Variants in NPC1 observed in about 807,000 individuals in gnomAD.
NPC1 encodes the protein NPC intracellular cholesterol transporter 1.
NPC1 carries 85 observed loss-of-function variants against 140.4 expected under a neutral mutation model. The ratio of observed to expected loss-of-function variants is 0.61; its 90% CI spans 0.51 to 0.72. The LOEUF is 0.72. NPC1 is among the 30% of genes least tolerant of loss of function. NPC1 has a pLI of 0.00. For synonymous variants in NPC1, 656 were observed against 624.8 expected, an observed-to-expected ratio of 1.05 and a Z score of -0.74; for missense variants, 1,504 against 1,623.8, an observed-to-expected ratio of 0.93 and a Z score of 1.27.
chr18:23,520,779 C>T (rs1272882148), downstream of NPC1, among the ~76,000 whole-genome samples: 3 of 151,858 alleles, frequency 2.0e-5, no homozygotes, highest in African/African-American at 7.3e-5. Context: ...ACCAAGTATT[C>T]AATCGCTTAA....
chr18:23,562,481 C>A (rs2059057806), intron 4 of NPC1, among the ~76,000 whole-genome samples: 1 of 151,998 alleles, frequency 6.6e-6, no homozygotes. Flanking sequence ...TTCCCAGGAT[C>A]TTCTTTCCCT....
intron 1 of NPC1, among the ~76,000 whole-genome samples, chr18:23,579,799 G>A (rs1446038844): frequency 6.6e-6 from 1 of 151,988 alleles, no homozygotes; most frequent in Non-Finnish European, 1.5e-5. Flanking sequence ...ACAGGAGAAT[G>A]GCGTGAACCC....
chr18:23,515,361 CGTGGCAA>C (rs1439038847), intron 3 of NPC1, among the ~76,000 whole-genome samples: 1 of 152,078 alleles, frequency 6.6e-6, no homozygotes, highest in Non-Finnish European at 1.5e-5. Flanking sequence ...GCCTCTCAGT[CGTGGCAA>C]AGAGTAAATG....
At position 23,538,522 on chromosome 18, in the gene NPC1, G is replaced by T. The variant is rs1195640488; in HGVS notation, c.3041+20C>A. On this transcript the variant is annotated intron_variant, in intron 20 of 24. Coordinates refer to ENST00000269228, the MANE Select transcript of NPC1 (RefSeq NM_000271.5). ...TTAAAGTTGCAGTGGATGCTTATCT[G>T]CAATGGCAGCAGCACTTACCCTTTG... 2 of 1,614,020 alleles carry T rather than the reference G, an allele frequency of 1.2e-6. No individual in the cohort carries two copies. The highest frequency in any genetic ancestry group is 2.2e-5 in the South Asian group (2 of 91,082).
At chr18:23,520,442 T>C, downstream of NPC1, 1 of 769,628 alleles carries the variant, frequency 1.3e-6, no homozygotes, top group Non-Finnish European at 2.1e-6. Context: ...CTGTCTGATT[T>C]TGCCAGGGGC....
intron 3 of NPC1, among the ~76,000 whole-genome samples, chr18:23,569,350 G>T (rs1316878431): frequency 2.0e-5 from 3 of 152,128 alleles, no homozygotes; most frequent in African/African-American, 4.8e-5. Context: ...TTGAGAAAGG[G>T]TCTCACTTTG....
At chr18:23,566,437 C>T (rs1443996908) in intron 4 of NPC1, among the ~76,000 whole-genome samples, 2 of 152,078 alleles carry the variant, frequency 1.3e-5, no homozygotes, top group African/African-American at 4.8e-5. Context: ...AATTTAAAAA[C>T]TAAATAAAAA....
chr18:23,555,043 T>A, intron 8 of NPC1, 59 bp from the exon 9 acceptor site: 1 of 1,109,966 alleles, frequency 9.0e-7, no homozygotes, highest in Non-Finnish European at 1.4e-6. Flanking sequence ...CTCTCAGATC[T>A]TGATTAATCA....
In NPC1 at chr18:23,543,340, A is replaced by G. The variant is rs879051822; in HGVS notation, c.2245+115T>C. 6.1e-5 allele frequency: 42 copies of G among 686,030 alleles called. No individual in the cohort carries two copies. In the Admixed American group the frequency reaches 7.9e-4, roughly 13 times the overall value. The allele number at this position is 686,030 out of a possible 1,614,324, so 42.5% of individuals were successfully genotyped here. ...TGAGACTCCGTCTCAGAGAAAAAAA[A>G]AAAAAAGAAAAAAAAAAAAAGGAAG... On this transcript the variant is annotated intron_variant, in intron 14 of 24. Transcript: ENST00000269228.
At chr18:23,558,769 C>T (rs1215348457) in intron 6 of NPC1, among the ~76,000 whole-genome samples, 5 of 151,850 alleles carry the variant, frequency 3.3e-5, no homozygotes, top group Admixed American at 1.3e-4. Context: ...ATGTGCACAA[C>T]GTGCAGGTTT....
intron 3 of NPC1, among the ~76,000 whole-genome samples, chr18:23,511,130 G>A (rs1209405692): frequency 2.0e-5 from 3 of 152,212 alleles, no homozygotes; most frequent in African/African-American, 7.2e-5. Flanking sequence ...TATATACCAT[G>A]GAATACTATG....
At chr18:23,516,440 G>A (rs575941945) in intron 3 of NPC1, 32 of 1,609,270 alleles carry the variant, frequency 2.0e-5, no homozygotes, top group African/African-American at 1.6e-4. Context: ...CCGTGTCAGA[G>A]AGAATTCCAT....
At chr18:23,540,091 G>A in intron 17 of NPC1, 90 bp from the exon 18 acceptor site, 2 of 1,148,092 alleles carry the variant, frequency 1.7e-6, no homozygotes, top group Non-Finnish European at 2.6e-6. Context: ...GAGGGTGCCA[G>A]GAGGTTCCTG....
At chr18:23,538,340 G>A (rs143104195) in intron 20 of NPC1, among the ~76,000 whole-genome samples, 16 of 152,316 alleles carry the variant, frequency 1.1e-4, no homozygotes, top group South Asian at 6.2e-4. Flanking sequence ...GAATGCCCAC[G>A]CTAAGACAGA....
At chr18:23,576,398 G>T in intron 1 of NPC1, 1 of 840,722 alleles carries the variant, frequency 1.2e-6, no homozygotes, top group Non-Finnish European at 1.4e-6. Flanking sequence ...CTCCAGCCTG[G>T]ACAACAAAGT....
downstream of NPC1, chr18:23,530,219 T>C (rs757758621): frequency 1.9e-6 from 3 of 1,614,222 alleles, no homozygotes; most frequent in Admixed American, 5.0e-5. Flanking sequence ...GGTCTAAAAA[T>C]GTCTTTCAGG....
At chr18:23,529,484 G>A (rs937881447), downstream of NPC1, 15 of 1,238,796 alleles carry the variant, frequency 1.2e-5, no homozygotes, top group East Asian at 2.4e-5. Context: ...AATTGTTGAC[G>A]GGTGGTTCTG....
In NPC1 at chr18:23,534,520, T is replaced by G; in HGVS notation, c.3517A>C (p.Arg1173=). ...CCTTTCATGCTCACCGTGAACGCTCTGGTTATGTGGCTGCAGAACTCCACG... is the reference window on the plus strand; with the variant it reads ...CCTTTCATGCTCACCGTGAACGCTCGGGTTATGTGGCTGCAGAACTCCACG... ...ISVEFCSHIT[R]AFTVSMKGSR... The change falls in exon 23 of 25, where the codon AGA becomes CGA. Residue 1173 remains arginine, a synonymous_variant. Transcript: ENST00000269228. 6.2e-7 allele frequency: 1 copy of G among 1,614,144 alleles called. No homozygotes were observed. Among genetic ancestry groups the G allele is most frequent in the Non-Finnish European group, 8.5e-7 (1 of 1,180,012 alleles).
At chr18:23,534,412 A>T in intron 23 of NPC1, 34 bp downstream of exon 23, 2 of 1,395,966 alleles carry the variant, frequency 1.4e-6, no homozygotes, top group Non-Finnish European at 2.0e-6. Flanking sequence ...TTGTGGTGCG[A>T]CTCTGCCGGC....
Sources: gnomAD v4.1 joint callset for allele counts (sites outside exome capture counted in the v4.1 genomes callset) on GRCh38, gnomAD v4.1.1 for gene constraint, MANE v1.5 for transcripts, NCBI Gene and HGNC (gene_info 2026-07-23, HGNC 2026-07-21) for gene names.